DENND1A: variants seen among roughly 807,000 people sequenced by gnomAD.
DENND1A encodes the protein DENN domain-containing protein 1A.
DENND1A carries 51 observed loss-of-function variants against 113.7 expected under a neutral mutation model. The ratio of observed to expected loss-of-function variants is 0.45; its 90% CI spans 0.36 to 0.57. The LOEUF is 0.57. Ranked by LOEUF, DENND1A falls within the 20% of genes least tolerant of loss-of-function variation. The pLI, the probability that DENND1A is intolerant of heterozygous loss-of-function variation, is 0.00. For missense variants in DENND1A, 1,258 were observed against 1,395.9 expected (o/e 0.90, Z 1.57); for synonymous variants, 565 against 570.8 (o/e 0.99, Z 0.14).
At chr9:123,812,363 TTAA>T (rs1836764243) in intron 2 of DENND1A, among the ~76,000 whole-genome samples, 1 of 152,220 alleles carries the variant, frequency 6.6e-6, no homozygotes, top group African/African-American at 2.4e-5. Flanking sequence ...TTATTCTATA[TTAA>T]TAAGTCACAA....
At chr9:123,685,240 A>G (rs2064735283) in intron 5 of DENND1A, among the ~76,000 whole-genome samples, 1 of 152,216 alleles carries the variant, frequency 6.6e-6, no homozygotes, top group Non-Finnish European at 1.5e-5. Context: ...AGCAACCTCA[A>G]TAAGAGAAAA....
At chr9:123,513,019 A>C (rs2053584174) in intron 13 of DENND1A, among the ~76,000 whole-genome samples, 1 of 152,256 alleles carries the variant, frequency 6.6e-6, no homozygotes, top group Non-Finnish European at 1.5e-5. Flanking sequence ...AAAGAGATAC[A>C]TAACCTGTAG....
In DENND1A at chr9:123,501,221, A is replaced by G. The variant is rs144245673; in HGVS notation, c.994-43324T>C. 4.0e-3 allele frequency among the ~76,000 whole-genome samples: 604 copies of G among 152,330 alleles called. 25 individuals are homozygous for G. Among genetic ancestry groups the G allele is most frequent in the Admixed American group, 0.035 (539 of 15,304 alleles). On this transcript the variant is annotated intron_variant, in intron 13 of 23. Transcript: ENST00000394215. ...CGTTCTTCTGTGACTGGCTAAATGT[A>G]TGTAGCATAATGTCCTCCAGGTTCA... is the stretch of plus-strand genomic sequence containing the variant.
intron 11 of DENND1A, among the ~76,000 whole-genome samples, chr9:123,604,778 GTC>G (rs1414460175): frequency 2.0e-5 from 3 of 152,294 alleles, no homozygotes; most frequent in Admixed American, 1.3e-4. Context: ...TGTTGAAACT[GTC>G]TTTCCCTAGG....
At chr9:123,524,306 C>G (rs2054629699) in intron 13 of DENND1A, among the ~76,000 whole-genome samples, 1 of 152,184 alleles carries the variant, frequency 6.6e-6, no homozygotes, top group Admixed American at 6.5e-5. Flanking sequence ...TATGCTTCAG[C>G]AAACACAATA....
chr9:123,612,000 G>A (rs1339624548), intron 10 of DENND1A, among the ~76,000 whole-genome samples: 2 of 152,194 alleles, frequency 1.3e-5, no homozygotes, highest in Non-Finnish European at 2.9e-5. Context: ...CAGAAATGTA[G>A]TTTTCTTAGC....
At chr9:123,544,642 G>A (rs1341538982) in intron 13 of DENND1A, among the ~76,000 whole-genome samples, 2 of 152,160 alleles carry the variant, frequency 1.3e-5, no homozygotes, top group African/African-American at 2.4e-5. Context: ...CAGTAAAATG[G>A]GGCTGTGCAT....
At chr9:123,637,991 C>A (rs955280329) in intron 9 of DENND1A, among the ~76,000 whole-genome samples, 22 of 151,418 alleles carry the variant, frequency 1.5e-4, no homozygotes, top group African/African-American at 5.3e-4. Flanking sequence ...AACCACCCAA[C>A]AAGGAGTGAA....
intron 11 of DENND1A, among the ~76,000 whole-genome samples, chr9:123,604,156 C>T (rs2060048017): frequency 6.6e-6 from 1 of 152,242 alleles, no homozygotes; most frequent in Non-Finnish European, 1.5e-5. Flanking sequence ...TCAGCTCATG[C>T]TCCTATCGGA....
chr9:123,713,061 A>G (rs577400464), intron 5 of DENND1A, among the ~76,000 whole-genome samples: 33 of 152,254 alleles, frequency 2.2e-4, no homozygotes, highest in South Asian at 6.2e-4. Context: ...TTCACCGCCT[A>G]TACGATGCCA....
At chr9:123,651,495 C>T (rs1394290647) in intron 9 of DENND1A, among the ~76,000 whole-genome samples, 1 of 152,260 alleles carries the variant, frequency 6.6e-6, no homozygotes. Flanking sequence ...TCACTGTAAA[C>T]AAGCACCGCC....
chr9:123,599,799 T>C (rs1353059124), intron 11 of DENND1A, among the ~76,000 whole-genome samples: 1 of 152,228 alleles, frequency 6.6e-6, no homozygotes, highest in Non-Finnish European at 1.5e-5. Context: ...CACATTGCCC[T>C]GGCCCATTTA....
In DENND1A at chr9:123,557,530, T is replaced by C. The variant is rs1433633683; in HGVS notation, c.993+40A>G. On this transcript the variant is annotated intron_variant, in intron 13 of 23. Coordinates refer to ENST00000394215, the MANE Select transcript of DENND1A (RefSeq NM_001352964.2). ...GCCCCTGAGGTATGCTTCTCAGCCC[T>C]GACCAAACACAGGCTCTGTGACATG... The C allele has an allele frequency of 1.9e-6, 3 of 1,609,390 alleles. No homozygotes were observed. In the African/African-American group the frequency reaches 4.0e-5, roughly 22 times the overall value.
intron 13 of DENND1A, among the ~76,000 whole-genome samples, chr9:123,503,432 G>T (rs1346759454): frequency 6.6e-6 from 1 of 152,124 alleles, no homozygotes; most frequent in Admixed American, 6.5e-5. Flanking sequence ...TTCATCTTCT[G>T]CCTGCAACCT....
At chr9:123,537,174 A>T (rs1371298742) in intron 13 of DENND1A, among the ~76,000 whole-genome samples, 1 of 152,150 alleles carries the variant, frequency 6.6e-6, no homozygotes, top group East Asian at 1.9e-4. Context: ...ACAAAAACCT[A>T]AAAATGAGGG....
At chr9:123,700,186 C>T (rs999996456) in intron 5 of DENND1A, among the ~76,000 whole-genome samples, 4 of 152,170 alleles carry the variant, frequency 2.6e-5, no homozygotes, top group African/African-American at 9.7e-5. Flanking sequence ...ATGTGTCCTC[C>T]AACTTTATTC....
chr9:123,805,829 A>G (rs1564305388), intron 2 of DENND1A, among the ~76,000 whole-genome samples: 1 of 152,228 alleles, frequency 6.6e-6, no homozygotes, highest in Non-Finnish European at 1.5e-5. Context: ...CATGTGGACA[A>G]TCTGTGGTTT....
intron 13 of DENND1A, among the ~76,000 whole-genome samples, chr9:123,499,666 C>T (rs147407054): frequency 6.6e-6 from 1 of 152,358 alleles, no homozygotes; most frequent in African/African-American, 2.4e-5. Flanking sequence ...GCCAAACCCA[C>T]ACACTTCACC....
At chr9:123,569,214 A>G (rs1054923164) in intron 12 of DENND1A, among the ~76,000 whole-genome samples, 2 of 152,200 alleles carry the variant, frequency 1.3e-5, no homozygotes, top group African/African-American at 2.4e-5. Context: ...TCCGTGTACA[A>G]TATCTGTGAG....
Sources: gnomAD v4.1 joint callset for allele counts (sites outside exome capture counted in the v4.1 genomes callset) on GRCh38, gnomAD v4.1.1 for gene constraint, MANE v1.5 for transcripts, NCBI Gene and HGNC (gene_info 2026-07-23, HGNC 2026-07-21) for gene names.